The following GRIP1 variants were observed in gnomAD, a reference collection of about 807,000 sequenced individuals.
The protein encoded by GRIP1 is glutamate receptor-interacting protein 1.
In GRIP1, 45 loss-of-function variants were observed where a neutral mutation model predicts 129.9. That is an observed-to-expected ratio of 0.35 (90% CI 0.27 to 0.44). GRIP1 has a LOEUF of 0.44. GRIP1 is among the 20% of genes least tolerant of loss of function. The pLI is 1.00. For synonymous variants in GRIP1, 530 were observed against 520.8 expected (o/e 1.02, Z -0.24); for missense variants, 1,196 against 1,396.8 (o/e 0.86, Z 2.29).
chr12:66,658,036 A>C (rs1368113782), intron 1 of GRIP1, among the ~76,000 whole-genome samples: 1 of 152,230 alleles, frequency 6.6e-6, no homozygotes, highest in African/African-American at 2.4e-5. Context: ...TAAACCCTTA[A>C]GGGGGAATTC....
chr12:66,582,243 A>T (rs1164167514), intron 2 of GRIP1, among the ~76,000 whole-genome samples: 1 of 147,188 alleles, frequency 6.8e-6, no homozygotes, highest in East Asian at 2.0e-4. Context: ...TTAGGTATTG[A>T]TGGGACGTAT....
At chr12:66,567,392 C>T (rs543955006) in intron 2 of GRIP1, among the ~76,000 whole-genome samples, 57 of 152,202 alleles carry the variant, frequency 3.7e-4, no homozygotes, top group African/African-American at 7.2e-4. Context: ...ACCCAGTAGT[C>T]TTCCAAAACT....
chr12:66,493,006 A>AAAACAAACAAACAAAC (rs148165279), intron 7 of GRIP1, among the ~76,000 whole-genome samples: 10,445 of 151,120 alleles, frequency 0.069, 759 homozygotes, highest in East Asian at 0.28. Context: ...ACTCTGTCTC[A>AAAACAAACAAACAAAC]AAACAAACAA....
At chr12:67,021,897 A>C (rs2042872566) in intron 1 of GRIP1, among the ~76,000 whole-genome samples, 1 of 152,142 alleles carries the variant, frequency 6.6e-6, no homozygotes, top group African/African-American at 2.4e-5. Flanking sequence ...GAGTGAGAAC[A>C]TGCTGTATTT....
chr12:66,719,466 G>A (rs1018983200), intron 1 of GRIP1, among the ~76,000 whole-genome samples: 3 of 152,170 alleles, frequency 2.0e-5, no homozygotes, highest in Admixed American at 6.6e-5. Flanking sequence ...TTTAATGATT[G>A]TATCACTTGA....
chr12:66,827,308 C>T (rs2039430640), intron 1 of GRIP1, among the ~76,000 whole-genome samples: 1 of 151,450 alleles, frequency 6.6e-6, no homozygotes, highest in South Asian at 2.1e-4. Flanking sequence ...TTCTTACTGG[C>T]TATTGGCTGG....
intron 1 of GRIP1, among the ~76,000 whole-genome samples, chr12:66,724,616 T>C (rs1282743785): frequency 2.0e-5 from 3 of 152,220 alleles, no homozygotes; most frequent in Non-Finnish European, 4.4e-5. Context: ...GTTCATCTTA[T>C]GGCCTTCATC....
intron 1 of GRIP1, among the ~76,000 whole-genome samples, chr12:66,766,027 C>T (rs536983198): frequency 6.6e-6 from 1 of 152,168 alleles, no homozygotes; most frequent in Non-Finnish European, 1.5e-5. Flanking sequence ...ATGATCCATC[C>T]TCCTCCAGGA....
chr12:66,430,857 T>C (rs1339508698), intron 14 of GRIP1, among the ~76,000 whole-genome samples: 1 of 152,150 alleles, frequency 6.6e-6, no homozygotes. Context: ...GCAGGAAGCA[T>C]CTAGAAGGAC....
chr12:66,769,690 GAA>G (rs527462349), intron 1 of GRIP1, among the ~76,000 whole-genome samples: 2 of 148,712 alleles, frequency 1.3e-5, no homozygotes, highest in African/African-American at 4.9e-5. Context: ...ATATAGGAGG[GAA>G]AAAAAAAATC....
intron 1 of GRIP1, among the ~76,000 whole-genome samples, chr12:66,741,103 T>C (rs2036775149): frequency 6.6e-6 from 1 of 152,196 alleles, no homozygotes; most frequent in African/African-American, 2.4e-5. Context: ...TTCCCAGCTC[T>C]CTTTCATAGA....
At chr12:66,979,725 T>C (rs530762736) in intron 1 of GRIP1, among the ~76,000 whole-genome samples, 8 of 152,232 alleles carry the variant, frequency 5.3e-5, no homozygotes, top group Admixed American at 4.6e-4. Flanking sequence ...TAATCCAACA[T>C]GACAGGTGTC....
At chr12:66,488,230 T>C (rs747043000) in intron 7 of GRIP1, among the ~76,000 whole-genome samples, 11 of 152,202 alleles carry the variant, frequency 7.2e-5, no homozygotes, top group Non-Finnish European at 1.3e-4. Flanking sequence ...TAATTGGAAG[T>C]AAAACACTTC....
At chr12:66,515,844 G>A (rs570821208) in intron 6 of GRIP1, 80 bp from the exon 7 acceptor site, 41 of 1,157,372 alleles carry the variant, frequency 3.5e-5, no homozygotes, top group Middle Eastern at 5.2e-4. Context: ...AGCCAAATTC[G>A]TTTTGTCACA....
Position 66,545,120 on chromosome 12 carries a change from A to T in GRIP1, c.137-3170T>A, listed in dbSNP as rs144226065. Among the ~76,000 whole-genome samples, 516 of 152,268 alleles carry T rather than the reference A, an allele frequency of 3.4e-3. 4 individuals carry two copies. The highest frequency in any genetic ancestry group is 0.011 in the African/African-American group (462 of 41,562). On this transcript the variant is annotated intron_variant, in intron 2 of 24. Transcript: ENST00000359742. ...ACAGATGATGTCTAACTAGTGAGGA[A>T]GGAAATGGTTCTGAATTTGACTTTT...
intron 1 of GRIP1, among the ~76,000 whole-genome samples, chr12:66,955,282 T>C (rs1278714649): frequency 6.6e-6 from 1 of 152,056 alleles, no homozygotes; most frequent in Non-Finnish European, 1.5e-5. Context: ...GCCTGAGAAT[T>C]TGCATCTCTA....
intron 1 of GRIP1, among the ~76,000 whole-genome samples, chr12:66,780,302 A>G (rs1036291093): frequency 6.6e-6 from 1 of 152,230 alleles, no homozygotes; most frequent in African/African-American, 2.4e-5. Flanking sequence ...GAACCTCCAA[A>G]TAGTCAGCAG....
At chr12:66,811,265 A>C (rs1416276778) in intron 1 of GRIP1, among the ~76,000 whole-genome samples, 1 of 152,222 alleles carries the variant, frequency 6.6e-6, no homozygotes, top group African/African-American at 2.4e-5. Flanking sequence ...CAAAAGCATA[A>C]AAATAATTTC....
At chr12:66,489,805 A>T (rs1415247615) in intron 7 of GRIP1, among the ~76,000 whole-genome samples, 2 of 152,182 alleles carry the variant, frequency 1.3e-5, no homozygotes, top group Admixed American at 6.5e-5. Context: ...AATTACTAAC[A>T]TTCCTAACAC....
Sources: allele counts gnomAD v4.1 joint callset (sites outside exome capture counted in the v4.1 genomes callset), GRCh38; gene constraint gnomAD v4.1.1; transcripts MANE v1.5; gene names NCBI Gene and HGNC (gene_info 2026-07-23, HGNC 2026-07-21).